SNX25: variants seen among roughly 807,000 people sequenced by gnomAD.
SNX25 encodes the protein sorting nexin-25.
In SNX25, 62 loss-of-function variants were observed where a neutral mutation model predicts 113.7. The observed-to-expected ratio is 0.55, with a 90% CI of 0.44 to 0.67. The LOEUF (loss-of-function observed/expected upper bound fraction) is 0.67. SNX25 is among the 30% of genes least tolerant of loss of function. The probability of loss-of-function intolerance (pLI) is 0.00; values close to 1 mark genes in which losing one functional copy is unlikely to be tolerated. For missense variants in SNX25, 1,014 were observed against 1,161.0 expected, an observed-to-expected ratio of 0.87 and a Z score of 1.84; for synonymous variants, 421 against 436.2, an observed-to-expected ratio of 0.97 and a Z score of 0.43.
intron 6 of SNX25, among the ~76,000 whole-genome samples, chr4:185,290,847 G>A (rs1264291674): frequency 6.6e-6 from 1 of 152,166 alleles, no homozygotes; most frequent in Non-Finnish European, 1.5e-5. Flanking sequence ...CACACTGCCA[G>A]GTTGCCTTGA....
Position 185,233,055 on chromosome 4 carries a change from G to A in SNX25, c.430-14239G>A, listed in dbSNP as rs186421344. On this transcript the variant is annotated intron_variant, in intron 1 of 18. Coordinates refer to ENST00000652585, the MANE Select transcript of SNX25 (RefSeq NM_001378034.2). ...TGCTAGCACTTTGGGAGGCTGAGGC[G>A]GGTGGATCACCTGAGGTCAGGAGTT... Among the ~76,000 whole-genome samples, 185 of 152,094 alleles carry A rather than the reference G, an allele frequency of 1.2e-3. 1 individual carries two copies. The highest frequency in any genetic ancestry group is 0.011 in the East Asian group (59 of 5,166).
At position 185,363,310 on chromosome 4, in the gene SNX25, A is replaced by G. The variant is rs1006170025; in HGVS notation, c.2935-75A>G. 30 of 1,393,696 alleles carry G rather than the reference A, an allele frequency of 2.2e-5. No individual in the cohort carries two copies. In the African/African-American group the frequency reaches 2.3e-4, roughly 11 times the overall value. 86.3% of individuals were successfully genotyped at this position (1,393,696 alleles called of 1,614,324 possible). On this transcript the variant is annotated intron_variant, in intron 18 of 18. Coordinates refer to ENST00000652585, the MANE Select transcript of SNX25 (RefSeq NM_001378034.2). The surrounding 1 kb of genome is among the most constrained non-coding windows in gnomAD (Gnocchi z 4.2). ...AGACCTAAAATTAGACTTTTCTCTT[A>G]GATGCAGATATTTATTTTGAATAAA...
chr4:185,256,733 C>G (rs1297999270), intron 2 of SNX25, among the ~76,000 whole-genome samples: 1 of 151,436 alleles, frequency 6.6e-6, no homozygotes, highest in African/African-American at 2.4e-5. Context: ...TCAAATGATC[C>G]TCCCACCTCA....
At chr4:185,266,503 G>A (rs1748107525) in intron 4 of SNX25, among the ~76,000 whole-genome samples, 1 of 152,080 alleles carries the variant, frequency 6.6e-6, no homozygotes, top group Non-Finnish European at 1.5e-5. Context: ...TAGGATTACA[G>A]ACATGTGCCA....
At chr4:185,244,227 A>T (rs1744505729) in intron 1 of SNX25, among the ~76,000 whole-genome samples, 1 of 152,184 alleles carries the variant, frequency 6.6e-6, no homozygotes, top group African/African-American at 2.4e-5. Flanking sequence ...TCCTGACCCC[A>T]GGTGATCCAC....
chr4:185,367,851 G>GT (rs2095395545), downstream of SNX25, among the ~76,000 whole-genome samples: 1 of 152,128 alleles, frequency 6.6e-6, no homozygotes, highest in Non-Finnish European at 1.5e-5. Flanking sequence ...GAAAACTTGT[G>GT]TTTTTCTTTG....
chr4:185,231,332 A>G (rs1257343906), intron 1 of SNX25, among the ~76,000 whole-genome samples: 1 of 151,122 alleles, frequency 6.6e-6, no homozygotes, highest in Non-Finnish European at 1.5e-5. Context: ...ATCTCCTGAC[A>G]TCGTGATCCA....
rs553489649 is a variant in SNX25 at position 185,241,220 on chromosome 4, C to A, written c.430-6074C>A. 3.3e-3 allele frequency among the ~76,000 whole-genome samples: 508 copies of A among 152,290 alleles called. 8 individuals carry two copies. Among genetic ancestry groups the A allele is most frequent in the African/African-American group, 0.012 (485 of 41,580 alleles). On this transcript the variant is annotated intron_variant, in intron 1 of 18. Transcript: ENST00000652585. ...ACTGAGTGAACGCGACTCCGTCTGC[C>A]ATCCCAGCACCTCAGGAGGCCGAGG... is the stretch of plus-strand genomic sequence containing the variant.
At chr4:185,366,049 G>C (rs1199971409), downstream of SNX25, 1 of 152,180 alleles carries the variant, frequency 6.6e-6, no homozygotes. Flanking sequence ...GGATGGTTGT[G>C]ATTTATAAAA....
intron 7 of SNX25, among the ~76,000 whole-genome samples, chr4:185,312,124 T>G (rs1479578032): frequency 6.6e-6 from 1 of 152,154 alleles, no homozygotes; most frequent in African/African-American, 2.4e-5. Context: ...CTAGCCACAT[T>G]TATTGTAGAT....
chr4:185,240,782 G>A lies in SNX25; in HGVS notation c.430-6512G>A, dbSNP rs572249783. Among the ~76,000 whole-genome samples the A allele has an allele frequency of 2.0e-5, 3 of 150,302 alleles. No individual in the cohort carries two copies. In the South Asian group the frequency reaches 6.3e-4, roughly 32 times the overall value. On this transcript the variant is annotated intron_variant, in intron 1 of 18. Coordinates refer to ENST00000652585, the MANE Select transcript of SNX25 (RefSeq NM_001378034.2). ...CAGACGGAGTGGCTGCCGAGCGGAG[G>A]GGCTCCTCACTTCTCAGACGGGGCG... is the stretch of plus-strand genomic sequence containing the variant.
downstream of SNX25, chr4:185,366,482 T>C (rs1050378716): frequency 2.6e-5 from 4 of 152,248 alleles, no homozygotes; most frequent in Non-Finnish European, 5.9e-5. Context: ...GGCAAGATTC[T>C]AAAGCAATGT....
the SNX25 span, chr4:185,376,983 G>A: frequency 2.5e-6 from 4 of 1,613,788 alleles, no homozygotes; most frequent in South Asian, 3.3e-5. Context: ...TTCAAGAGCT[G>A]CAATGCCTTA....
chr4:185,337,438 C>T (rs186183863), intron 10 of SNX25, among the ~76,000 whole-genome samples: 5 of 152,234 alleles, frequency 3.3e-5, no homozygotes, highest in Non-Finnish European at 5.9e-5. Context: ...CTTTTTAAGG[C>T]TGATCATATT....
At chr4:185,239,170 A>G (rs66805056) in intron 1 of SNX25, among the ~76,000 whole-genome samples, 9,879 of 152,212 alleles carry the variant, frequency 0.065, 401 homozygotes, top group East Asian at 0.16. Flanking sequence ...CATGCTGAGG[A>G]TCTGTCACAT....
At chr4:185,214,394 C>CAAA (rs60179052) in intron 1 of SNX25, among the ~76,000 whole-genome samples, 17 of 122,340 alleles carry the variant, frequency 1.4e-4, no homozygotes, top group African/African-American at 4.8e-4. Context: ...CCATCTCTAC[C>CAAA]AAAAAAAAAA....
intron 6 of SNX25, among the ~76,000 whole-genome samples, chr4:185,292,022 C>T (rs534779651): frequency 6.6e-6 from 1 of 152,156 alleles, no homozygotes; most frequent in South Asian, 2.1e-4. Flanking sequence ...GCTTTCTGAC[C>T]ACATTAAGAT....
chr4:185,300,324 ATT>A (rs557323613), intron 6 of SNX25, among the ~76,000 whole-genome samples: 15 of 135,172 alleles, frequency 1.1e-4, no homozygotes, highest in Admixed American at 1.5e-4. Context: ...ACACCCAGCT[ATT>A]TTTTTTTTTT....
chr4:185,214,096 T>C (rs1472319318), intron 1 of SNX25, among the ~76,000 whole-genome samples: 1 of 152,058 alleles, frequency 6.6e-6, no homozygotes, highest in African/African-American at 2.4e-5. Flanking sequence ...CCTTTAGAAA[T>C]GCAAATATAG....
Sources: allele counts gnomAD v4.1 joint callset (sites outside exome capture counted in the v4.1 genomes callset), GRCh38; gene constraint gnomAD v4.1.1; non-coding constraint Gnocchi (gnomAD v3.1); transcripts MANE v1.5; gene names NCBI Gene and HGNC (gene_info 2026-07-23, HGNC 2026-07-21).